ZZZ3: variants seen among roughly 807,000 people sequenced by gnomAD.
ZZZ3 encodes the protein ZZ-type zinc finger-containing protein 3.
Under a neutral mutation model 95.2 loss-of-function variants are expected in ZZZ3, and 22 were observed. The observed-to-expected ratio is 0.23, with a 90% CI of 0.17 to 0.33. ZZZ3 has a LOEUF of 0.33. Ranked by LOEUF, ZZZ3 falls within the 10% of genes least tolerant of loss-of-function variation. The pLI is 1.00. For missense variants in ZZZ3, 885 were observed against 1,066.5 expected (o/e 0.83, Z 2.37); for synonymous variants, 335 against 358.9 (o/e 0.93, Z 0.75).
chr1:77,675,502 C>T (rs889425718), intron 1 of ZZZ3, among the ~76,000 whole-genome samples: 2 of 152,124 alleles, frequency 1.3e-5, no homozygotes, highest in African/African-American at 4.8e-5. Context: ...GTTCCAATCC[C>T]TTTAAATCTC....
chr1:77,648,190 T>C (rs1669468480), intron 1 of ZZZ3, among the ~76,000 whole-genome samples: 1 of 151,630 alleles, frequency 6.6e-6, no homozygotes, highest in Non-Finnish European at 1.5e-5. Flanking sequence ...AGACCCCATT[T>C]CTACAAAAAT....
chr1:77,683,356 C>G (rs1488707673), upstream of ZZZ3: 1 of 152,082 alleles, frequency 6.6e-6, no homozygotes, highest in Non-Finnish European at 1.5e-5. Context: ...CGGGTGGCCA[C>G]CGCTGCAGGA....
At chr1:77,645,185 A>G (rs1350594484) in intron 1 of ZZZ3, 1 of 152,188 alleles carries the variant, frequency 6.6e-6, no homozygotes, top group Non-Finnish European at 1.5e-5. Context: ...TTATGATCAC[A>G]CCAATGCACT....
intron 1 of ZZZ3, among the ~76,000 whole-genome samples, chr1:77,672,473 G>A (rs1671872127): frequency 6.6e-6 from 1 of 152,190 alleles, no homozygotes; most frequent in Non-Finnish European, 1.5e-5. Flanking sequence ...AGAATCACTT[G>A]TAGGGTTTTT....
chr1:77,565,935 GA>G, intron 14 of ZZZ3, 145 bp downstream of exon 14: 1 of 1,112,788 alleles, frequency 9.0e-7, no homozygotes, highest in Non-Finnish European at 1.3e-6. Flanking sequence ...TATGATTACA[GA>G]AAAAAATTAA....
rs575727409 is a variant in ZZZ3, at chr1:77,629,095, G to C, written c.1505+2755C>G. Among the ~76,000 whole-genome samples the C allele has an allele frequency of 1.1e-4, 16 of 152,216 alleles. No homozygotes were observed. In the South Asian group the frequency reaches 2.7e-3, roughly 26 times the overall value. On this transcript the variant is annotated intron_variant, in intron 5 of 14. Coordinates refer to ENST00000370801, the MANE Select transcript of ZZZ3 (RefSeq NM_015534.6). ...CAGGTGTCATGATGCTACTTTTAGC[G>C]ATGGCAACTTGGATTAAAAAGAGCC...
chr1:77,647,829 GGACATGAA>G (rs1389036252), intron 1 of ZZZ3, among the ~76,000 whole-genome samples: 1 of 152,058 alleles, frequency 6.6e-6, no homozygotes, highest in Non-Finnish European at 1.5e-5. Flanking sequence ...ATAATTTGTG[GGACATGAA>G]GTACAATGCT....
intron 5 of ZZZ3, among the ~76,000 whole-genome samples, chr1:77,616,087 T>C (rs1293758674): frequency 6.6e-6 from 1 of 152,182 alleles, no homozygotes; most frequent in Non-Finnish European, 1.5e-5. Flanking sequence ...AGAATTCTCA[T>C]TAATTAGTCA....
At chr1:77,659,782 G>T (rs1175000926) in intron 1 of ZZZ3, among the ~76,000 whole-genome samples, 1 of 151,098 alleles carries the variant, frequency 6.6e-6, no homozygotes. Context: ...AGTATTACTA[G>T]AGGAGTGAGG....
intron 1 of ZZZ3, among the ~76,000 whole-genome samples, chr1:77,679,538 G>A (rs143467581): frequency 0.024 from 3,623 of 151,972 alleles, 70 homozygotes; most frequent in Non-Finnish European, 0.028. Flanking sequence ...CTCCCACCTC[G>A]GCCTCCCAAA....
chr1:77,664,897 T>C (rs548647936), intron 1 of ZZZ3, among the ~76,000 whole-genome samples: 36 of 152,326 alleles, frequency 2.4e-4, no homozygotes, highest in African/African-American at 7.9e-4. Context: ...CTCCAAGGCA[T>C]ACCTAGGAAA....
chr1:77,642,611 G>A (rs544551237), intron 1 of ZZZ3, among the ~76,000 whole-genome samples: 8 of 151,098 alleles, frequency 5.3e-5, no homozygotes, highest in Middle Eastern at 3.5e-3. Context: ...ATGAAAATTA[G>A]CCAGACGTGG....
chr1:77,632,263 T>C lies in ZZZ3; in HGVS notation c.1092A>G (p.Gln364=). ...CTTGAGGTTCTGATAAAGACATCAT[T>C]TGAGCTGAAACACAGTCTAGAACAG... is the stretch of plus-strand genomic sequence containing the variant. ...PSPVLDCVSA[Q]MMSLSEPQEH... is the part of the protein sequence containing the mutation. The change falls in exon 5 of 15, where the codon CAA becomes CAG. Residue 364 remains glutamine (Q), a synonymous_variant. Transcript: ENST00000370801. The C allele has an allele frequency of 8.1e-6, 13 of 1,614,124 alleles. No individual in the cohort carries two copies. Among genetic ancestry groups the C allele is most frequent in the Non-Finnish European group, 1.1e-5 (13 of 1,180,022 alleles).
At chr1:77,614,396 T>C (rs1405562468) in intron 5 of ZZZ3, among the ~76,000 whole-genome samples, 1 of 152,212 alleles carries the variant, frequency 6.6e-6, no homozygotes, top group Non-Finnish European at 1.5e-5. Flanking sequence ...CCTTCATGAT[T>C]ACCCAGCTAA....
chr1:77,628,276 T>G (rs1667497249), intron 5 of ZZZ3, among the ~76,000 whole-genome samples: 1 of 152,166 alleles, frequency 6.6e-6, no homozygotes, highest in African/African-American at 2.4e-5. Context: ...CAAAGAGCCT[T>G]CAGATAAAGA....
At chr1:77,622,791 T>C (rs1204703166) in intron 5 of ZZZ3, among the ~76,000 whole-genome samples, 2 of 152,170 alleles carry the variant, frequency 1.3e-5, no homozygotes, top group African/African-American at 2.4e-5. Flanking sequence ...AGGTAGAAGT[T>C]ACCATCATTC....
At chr1:77,575,937 A>C in intron 12 of ZZZ3, 131 bp downstream of exon 12, 1 of 677,334 alleles carries the variant, frequency 1.5e-6, no homozygotes, top group Middle Eastern at 3.1e-4. Context: ...ACAAAAGTAC[A>C]TTACTTAAAA....
At chr1:77,683,380 C>G (rs1672993019), upstream of ZZZ3, 1 of 152,548 alleles carries the variant, frequency 6.6e-6, no homozygotes, top group South Asian at 2.0e-4. Context: ...TCGATAGCGG[C>G]GCCGCGGCGC....
intron 5 of ZZZ3, among the ~76,000 whole-genome samples, chr1:77,606,285 C>T (rs1463388515): frequency 2.0e-5 from 3 of 152,160 alleles, no homozygotes; most frequent in Admixed American, 2.0e-4. Context: ...GTGGGAAGCA[C>T]CATGTCTCAT....
Sources: allele counts gnomAD v4.1 joint callset (sites outside exome capture counted in the v4.1 genomes callset), GRCh38; gene constraint gnomAD v4.1.1; transcripts MANE v1.5; gene names NCBI Gene and HGNC (gene_info 2026-07-23, HGNC 2026-07-21).